The following TBX22 variants were observed in gnomAD, a reference collection of about 807,000 sequenced individuals.
TBX22 encodes the protein T-box transcription factor TBX22.
TBX22 carries 8 observed loss-of-function variants against 30.1 expected under a neutral mutation model. That is an observed-to-expected ratio of 0.27 (90% CI 0.16 to 0.48). TBX22 has a LOEUF of 0.48. TBX22 is among the 20% of genes least tolerant of loss of function. TBX22 has a pLI of 0.99. For missense variants in TBX22, 463 were observed against 400.5 expected (o/e 1.16, Z -1.33); for synonymous variants, 173 against 149.1 (o/e 1.16, Z -1.17).
chrX:80,030,025 G>A (rs1464194147), intron 8 of TBX22, among the ~76,000 whole-genome samples: 1 of 111,834 alleles, frequency 8.9e-6, no homozygotes, highest in Non-Finnish European at 1.9e-5. Flanking sequence ...CACGAATGGT[G>A]GGGGTTGGGA....
Position 80,030,797 on chromosome X carries a change from G to A in TBX22, c.1249G>A (p.Gly417Arg). 2 of 1,210,967 alleles carry A rather than the reference G, an allele frequency of 1.7e-6. No homozygotes were observed. Among genetic ancestry groups the A allele is most frequent in the Non-Finnish European group, 2.2e-6 (2 of 894,784 alleles). The change falls in exon 9 of 9, where the codon GGG becomes AGG. Residue 417 changes from glycine (G) to arginine (R), a missense_variant. Gly to Arg is a moderately radical substitution (Grantham distance 125, BLOSUM62 -2). Transcript: ENST00000373296. ...GGAAGTGCCTATGTTATCTTCCCTGGGGGTCACCAATTCAAAAAGCGGTTC... is the reference window on the plus strand; with the variant it reads ...GGAAGTGCCTATGTTATCTTCCCTGAGGGTCACCAATTCAAAAAGCGGTTC... ...MMEVPMLSSLGVTNSKSGSSE... is the reference protein window; with the variant it reads ...MMEVPMLSSLRVTNSKSGSSE...
chrX:80,022,817 T>TAAAAA (rs1204799825), intron 2 of TBX22, among the ~76,000 whole-genome samples: 1 of 64,128 alleles, frequency 1.6e-5, no homozygotes, highest in Non-Finnish European at 3.0e-5. Context: ...TTGGCAAATC[T>TAAAAA]AAAAAAAAAA....
intron 5 of TBX22, among the ~76,000 whole-genome samples, 161 bp from the exon 6 acceptor site, chrX:80,026,543 G>A (rs1923983378): frequency 8.9e-6 from 1 of 112,142 alleles, no homozygotes; most frequent in African/African-American, 3.2e-5. Context: ...AATGTTTTTA[G>A]CTCGGAGCGC....
intron 1 of TBX22, among the ~76,000 whole-genome samples, chrX:80,019,007 T>C (rs1314426781): frequency 9.0e-6 from 1 of 111,145 alleles, no homozygotes; most frequent in African/African-American, 3.3e-5. Context: ...TCATAACCAG[T>C]AGTATTGAAA....
intron 8 of TBX22, among the ~76,000 whole-genome samples, chrX:80,029,895 A>T (rs1327894655): frequency 8.9e-6 from 1 of 112,313 alleles, no homozygotes; most frequent in East Asian, 2.8e-4. Flanking sequence ...TATTTGAGCA[A>T]ATGAATGCTT....
chrX:80,028,736 A>C (rs1048791743), intron 8 of TBX22, among the ~76,000 whole-genome samples: 1 of 111,938 alleles, frequency 8.9e-6, no homozygotes, highest in African/African-American at 3.2e-5. Context: ...TTATTTGAAA[A>C]TGACATGGAT....
At chrX:80,026,905 T>C in intron 6 of TBX22, 37 bp downstream of exon 6, 1 of 1,188,808 alleles carries the variant, frequency 8.4e-7, no homozygotes. Context: ...TGGAAATGGC[T>C]CCAGAGGGAC....
chrX:80,016,165 C>A (rs991257145), intron 1 of TBX22, among the ~76,000 whole-genome samples: 1 of 112,237 alleles, frequency 8.9e-6, no homozygotes, highest in African/African-American at 3.2e-5. Flanking sequence ...TGGAAAGAAG[C>A]CTTTAGTACC....
At chrX:80,021,069 G>GA (rs372390184) in intron 1 of TBX22, among the ~76,000 whole-genome samples, 2,334 of 107,567 alleles carry the variant, frequency 0.022, 77 homozygotes, top group African/African-American at 0.075. Flanking sequence ...GTCTCTTCCT[G>GA]AAAAAAAAAG....
Position 80,019,775 on chromosome X carries a change from G to C in TBX22, c.-2-2493G>C, listed in dbSNP as rs867371920. Among the ~76,000 whole-genome samples the C allele has an allele frequency of 6.3e-5, 7 of 111,612 alleles. 1 individual carries two copies. In the South Asian group the frequency reaches 1.9e-3, roughly 30 times the overall value. Reference sequence around the variant, plus strand: ...ATTTTAGTCTAGTACATACAAGGGAGAGCTAAGCTACATATCTCCCAGTGA... The same window carrying C: ...ATTTTAGTCTAGTACATACAAGGGACAGCTAAGCTACATATCTCCCAGTGA... On this transcript the variant is annotated intron_variant, in intron 1 of 8. Coordinates refer to ENST00000373296, the MANE Select transcript of TBX22 (RefSeq NM_001109878.2).
chrX:80,016,866 C>T (rs113895580), intron 1 of TBX22, among the ~76,000 whole-genome samples: 3,269 of 109,349 alleles, frequency 0.03, 108 homozygotes, highest in African/African-American at 0.099. Context: ...ATTAGTTGGG[C>T]GTGGTTGAAC....
Position 80,023,214 on chromosome X carries a change from T to G in TBX22, c.330T>G (p.Thr110=), listed in dbSNP as rs750938333. ...GGAAAAGATTCCATGACATCGGGAC[T>G]GAGATGATCATTACTAAAGCGGGCA... ...ELWKRFHDIG[T]EMIITKAGRR... The change falls in exon 3 of 9, where the codon ACT becomes ACG. Residue 110 remains threonine, a synonymous_variant. Coordinates refer to ENST00000373296, the MANE Select transcript of TBX22 (RefSeq NM_001109878.2). 1 of 1,211,574 alleles carries G rather than the reference T, an allele frequency of 8.3e-7. No individual in the cohort carries two copies.
chrX:80,027,007 C>A (rs1304438489), intron 6 of TBX22, 139 bp downstream of exon 6: 4 of 688,290 alleles, frequency 5.8e-6, no homozygotes, highest in African/African-American at 2.2e-5. Flanking sequence ...GTCATCCATG[C>A]AAGTTTGATA....
chrX:80,023,927 T>G (rs1923844272), intron 3 of TBX22, 136 bp from the exon 4 acceptor site: 3 of 558,271 alleles, frequency 5.4e-6, no homozygotes, highest in Admixed American at 2.7e-5. Flanking sequence ...GCAAATGCTA[T>G]TCCTTGCTAT....
intron 4 of TBX22, among the ~76,000 whole-genome samples, chrX:80,024,535 A>C (rs1923879062): frequency 9.0e-6 from 1 of 110,599 alleles, no homozygotes; most frequent in African/African-American, 3.3e-5. Flanking sequence ...TTGTGGGAGA[A>C]ATCCCCAGGC....
chrX:80,024,274 G>A, intron 4 of TBX22, 110 bp downstream of exon 4: 2 of 686,295 alleles, frequency 2.9e-6, no homozygotes, highest in Admixed American at 4.9e-5. Flanking sequence ...ATGGGGGGTG[G>A]GAGTGGGGGA....
chrX:80,028,369 G>C (rs1248493601), intron 8 of TBX22, among the ~76,000 whole-genome samples: 1 of 112,308 alleles, frequency 8.9e-6, no homozygotes, highest in East Asian at 2.8e-4. Flanking sequence ...GCCTCTCACT[G>C]TTTCACATTC....
chrX:80,025,648 C>G lies in TBX22; in HGVS notation c.504C>G (p.Asp168Glu). ...SSQWMVAGNT[D>E]HLCIIPRFYV... Reference sequence around the variant, plus strand: ...AGTGGATGGTAGCTGGGAATACAGACCATTTGTGCATCATTCCTAGATTCT... The same window carrying G: ...AGTGGATGGTAGCTGGGAATACAGAGCATTTGTGCATCATTCCTAGATTCT... Residue 168 changes from aspartate to glutamate, a missense_variant, in exon 5 of 9, where the codon GAC (aspartate) becomes GAG (glutamate). Physicochemically the swap from Asp to Glu is conservative, Grantham distance 45. Transcript: ENST00000373296. 8.3e-7 allele frequency: 1 copy of G among 1,208,887 alleles called. No individual in the cohort carries two copies. Among genetic ancestry groups the G allele is most frequent in the Non-Finnish European group, 1.1e-6 (1 of 892,962 alleles).
chrX:80,021,083 C>G (rs1923668175), intron 1 of TBX22, among the ~76,000 whole-genome samples: 1 of 111,203 alleles, frequency 9.0e-6, no homozygotes, highest in Non-Finnish European at 1.9e-5. Flanking sequence ...AAAAAAGAAA[C>G]TTGTATATTC....
Sources: allele counts gnomAD v4.1 joint callset (sites outside exome capture counted in the v4.1 genomes callset), GRCh38; gene constraint gnomAD v4.1.1; transcripts MANE v1.5; gene names NCBI Gene and HGNC (gene_info 2026-07-23, HGNC 2026-07-21).